CNTN4: variants seen among roughly 807,000 people sequenced by gnomAD.
The protein encoded by CNTN4 is contactin 4.
A neutral mutation model predicts 122.5 loss-of-function variants in CNTN4; 77 were observed. The ratio of observed to expected loss-of-function variants is 0.63; its 90% CI spans 0.52 to 0.76. CNTN4 has a LOEUF of 0.76. Ranked by LOEUF, CNTN4 falls within the 30% of genes least tolerant of loss-of-function variation. The pLI, the probability that CNTN4 is intolerant of heterozygous loss-of-function variation, is 0.00. For synonymous variants in CNTN4, 512 were observed against 447.0 expected (o/e 1.15, Z -1.83); for missense variants, 1,256 against 1,259.1 (o/e 1.00, Z 0.04).
rs777408553 is a variant in CNTN4 at position 2,269,914 on chromosome 3, GTTTATTTATTTATTTA to G, written c.-144-69236_-144-69221del. ...TTATAGCCAGTTTGTTTGTTTGTTTGTTTATTTATTTATTTATTTATTTATTTATTTATTTATTTAT... is the reference window on the plus strand; with the variant it reads ...TTATAGCCAGTTTGTTTGTTTGTTTGTTTATTTATTTATTTATTTATTTAT... On this transcript the variant is annotated intron_variant, in intron 2 of 24. Transcript: ENST00000418658. Among the ~76,000 whole-genome samples the G allele has an allele frequency of 4.2e-4, 23 of 54,798 alleles. 6 individuals carry two copies. Among genetic ancestry groups the G allele is most frequent in the South Asian group, 2.0e-3 (2 of 978 alleles). The allele number at this position is 54,798 out of a possible 152,430, so 35.9% of individuals were successfully genotyped here.
intron 2 of CNTN4, among the ~76,000 whole-genome samples, chr3:2,313,002 C>A (rs887057284): frequency 6.6e-6 from 1 of 151,616 alleles, no homozygotes; most frequent in African/African-American, 2.4e-5. Flanking sequence ...TATATATAGC[C>A]TTAAAAAAGT....
chr3:2,666,169 A>G (rs1333501684), intron 4 of CNTN4, among the ~76,000 whole-genome samples: 1 of 152,206 alleles, frequency 6.6e-6, no homozygotes, highest in East Asian at 1.9e-4. Context: ...AGACATAACA[A>G]TGAATCATCT....
chr3:2,805,627 C>A (rs1204313621), intron 6 of CNTN4, among the ~76,000 whole-genome samples: 2 of 152,168 alleles, frequency 1.3e-5, no homozygotes, highest in Non-Finnish European at 1.5e-5. Context: ...GAGGCTGTAC[C>A]TTGGCACTGT....
rs578166230 is a variant in CNTN4 at position 2,339,845 on chromosome 3, A to C, written c.-89+612A>C. On this transcript the variant is annotated intron_variant, in intron 3 of 24. Transcript: ENST00000418658. The stretch of plus-strand genomic sequence containing the variant: ...TTCTCTCACATTTGTGGAATCTACA[A>C]GTTTGAAATGAAACTCTCAGCAGGA... Among the ~76,000 whole-genome samples the C allele has an allele frequency of 3.9e-5, 6 of 152,380 alleles. No individual in the cohort carries two copies. The East Asian group carries it at 1.2e-3, about 29-fold the overall frequency.
chr3:2,366,048 T>C (rs866875092), intron 3 of CNTN4, among the ~76,000 whole-genome samples: 4 of 152,206 alleles, frequency 2.6e-5, no homozygotes, highest in Non-Finnish European at 5.9e-5. Flanking sequence ...ATTTTATCCA[T>C]ACCCAACATG....
chr3:2,544,337 C>A (rs2078153492), intron 3 of CNTN4, among the ~76,000 whole-genome samples: 1 of 152,026 alleles, frequency 6.6e-6, no homozygotes, highest in Admixed American at 6.6e-5. Flanking sequence ...CAGACTGTGG[C>A]CATCCAAGAA....
chr3:2,609,354 A>AAGC (rs2081387192), intron 4 of CNTN4, among the ~76,000 whole-genome samples: 1 of 152,166 alleles, frequency 6.6e-6, no homozygotes, highest in Non-Finnish European at 1.5e-5. Flanking sequence ...GCCACCTTGG[A>AAGC]AGCAGTGAGT....
intron 2 of CNTN4, among the ~76,000 whole-genome samples, chr3:2,125,630 A>C (rs535595100): frequency 1.1e-4 from 16 of 145,490 alleles, no homozygotes; most frequent in Admixed American, 1.1e-3. Context: ...ACCATCTTGG[A>C]TCACTGCAAG....
chr3:2,116,838 A>T (rs1337921405), intron 2 of CNTN4, among the ~76,000 whole-genome samples: 1 of 152,140 alleles, frequency 6.6e-6, no homozygotes, highest in Admixed American at 6.6e-5. Context: ...TCCTCCTTAG[A>T]ATAATCCGGT....
intron 3 of CNTN4, among the ~76,000 whole-genome samples, chr3:2,526,531 C>G (rs1245459601): frequency 1.3e-5 from 2 of 152,036 alleles, no homozygotes; most frequent in Non-Finnish European, 2.9e-5. Flanking sequence ...TACATAGTAA[C>G]TAGGATAAAA....
intron 3 of CNTN4, among the ~76,000 whole-genome samples, chr3:2,569,560 A>G (rs1433864938): frequency 6.6e-6 from 1 of 152,180 alleles, no homozygotes; most frequent in Non-Finnish European, 1.5e-5. Flanking sequence ...CATGAAAGCT[A>G]AAATAACAAG....
chr3:2,690,114 A>T (rs2085649270), intron 4 of CNTN4, among the ~76,000 whole-genome samples: 1 of 152,164 alleles, frequency 6.6e-6, no homozygotes, highest in African/African-American at 2.4e-5. Flanking sequence ...AATTCCTGTG[A>T]TAAGATATTA....
chr3:2,344,359 T>C (rs1299897896), intron 3 of CNTN4, among the ~76,000 whole-genome samples: 1 of 151,162 alleles, frequency 6.6e-6, no homozygotes, highest in East Asian at 2.0e-4. Context: ...CACTGCAACC[T>C]CTACCTCCTT....
intron 4 of CNTN4, among the ~76,000 whole-genome samples, chr3:2,587,032 C>T (rs908771438): frequency 6.6e-6 from 1 of 152,046 alleles, no homozygotes; most frequent in African/African-American, 2.4e-5. Context: ...GCCTTCAAAC[C>T]CCAGCTGTTC....
chr3:2,158,769 G>T (rs1054791265), intron 2 of CNTN4, among the ~76,000 whole-genome samples: 1 of 152,196 alleles, frequency 6.6e-6, no homozygotes, highest in Non-Finnish European at 1.5e-5. Context: ...TTGGGAAAGA[G>T]AACCCATTGT....
At chr3:2,871,974 T>C (rs762282194) in intron 8 of CNTN4, among the ~76,000 whole-genome samples, 2 of 152,196 alleles carry the variant, frequency 1.3e-5, no homozygotes, top group Non-Finnish European at 2.9e-5. Context: ...GTACACCTGT[T>C]GCTTAGGAAC....
At chr3:2,357,015 A>G (rs926801701) in intron 3 of CNTN4, among the ~76,000 whole-genome samples, 2 of 152,202 alleles carry the variant, frequency 1.3e-5, no homozygotes, top group African/African-American at 2.4e-5. Context: ...GGTGTTGTTT[A>G]TTATTACAAC....
chr3:2,148,256 G>A (rs190173691), intron 2 of CNTN4, among the ~76,000 whole-genome samples: 355 of 152,202 alleles, frequency 2.3e-3, no homozygotes, highest in Non-Finnish European at 2.9e-3. Flanking sequence ...CAGCAAGGCC[G>A]GGCGCAGTGG....
intron 3 of CNTN4, among the ~76,000 whole-genome samples, chr3:2,346,903 T>C (rs981993842): frequency 6.6e-6 from 1 of 152,240 alleles, no homozygotes. Context: ...TTATTATTTA[T>C]GTGAATATTG....
Sources: gnomAD v4.1 joint callset for allele counts (sites outside exome capture counted in the v4.1 genomes callset) on GRCh38, gnomAD v4.1.1 for gene constraint, MANE v1.5 for transcripts, NCBI Gene and HGNC (gene_info 2026-07-23, HGNC 2026-07-21) for gene names.